The following NKAIN2 variants were observed in gnomAD, a reference collection of about 807,000 sequenced individuals.
NKAIN2 encodes sodium/potassium transporting ATPase interacting 2.
Under a neutral mutation model 32.6 loss-of-function variants are expected in NKAIN2, and 14 were observed. The observed-to-expected ratio is 0.43, with a 90% CI of 0.28 to 0.67. The LOEUF (loss-of-function observed/expected upper bound fraction) is 0.67, where lower values mean the gene tolerates loss of function less well. Among genes scored for constraint, NKAIN2 ranks in the 30% least tolerant of loss-of-function variants. The pLI is 0.17. For synonymous variants in NKAIN2, 80 were observed against 87.2 expected, an observed-to-expected ratio of 0.92 and a Z score of 0.46; for missense variants, 198 against 258.3, an observed-to-expected ratio of 0.77 and a Z score of 1.60.
intron 4 of NKAIN2, among the ~76,000 whole-genome samples, chr6:124,680,846 AC>A (rs1356599745): frequency 4.1e-4 from 63 of 152,126 alleles, no homozygotes; most frequent in Middle Eastern, 3.4e-3. Flanking sequence ...GAGATACCTA[AC>A]TTTAATTAGA....
At chr6:123,990,125 C>T (rs552383961) in intron 1 of NKAIN2, among the ~76,000 whole-genome samples, 39 of 152,240 alleles carry the variant, frequency 2.6e-4, no homozygotes, top group East Asian at 5.8e-4. Context: ...ATAAAACCAT[C>T]GGATCTTGTG....
intron 2 of NKAIN2, among the ~76,000 whole-genome samples, chr6:124,296,879 C>T (rs954662651): frequency 5.3e-5 from 8 of 152,232 alleles, no homozygotes; most frequent in South Asian, 2.1e-4. Context: ...ACATCACACA[C>T]GGACACACAT....
At position 123,832,975 on chromosome 6, in the gene NKAIN2, G is replaced by A. The variant is rs146287649; in HGVS notation, c.54+28721G>A. 2.4e-3 allele frequency among the ~76,000 whole-genome samples: 360 copies of A among 152,122 alleles called. 2 individuals carry two copies. Among genetic ancestry groups the A allele is most frequent in the Non-Finnish European group, 3.3e-3 (223 of 68,008 alleles). ...TTAATTTAGTGAAGTCTACCTTATC[G>A]ATTTATTTTTTATGGATCATCTCTT... On this transcript the variant is annotated intron_variant, in intron 1 of 6. Coordinates refer to ENST00000368417, the MANE Select transcript of NKAIN2 (RefSeq NM_001040214.3).
chr6:124,450,957 T>A (rs1776081504), intron 3 of NKAIN2, among the ~76,000 whole-genome samples: 1 of 152,074 alleles, frequency 6.6e-6, no homozygotes, highest in South Asian at 2.1e-4. Context: ...AAGTCAGTAA[T>A]AATGCATAAG....
rs201478491 is a variant in NKAIN2 at position 123,880,064 on chromosome 6, TG to T, written c.54+75813del. On this transcript the variant is annotated intron_variant, in intron 1 of 6. Coordinates refer to ENST00000368417, the MANE Select transcript of NKAIN2 (RefSeq NM_001040214.3). Reference sequence around the variant, plus strand: ...TTCAAAGGTTTTTACTTACAGATCCTGGGCGAGAAGGGCACAATGATTTGGG... The same window carrying T: ...TTCAAAGGTTTTTACTTACAGATCCTGGCGAGAAGGGCACAATGATTTGGG... 4.9e-4 allele frequency among the ~76,000 whole-genome samples: 75 copies of T among 152,276 alleles called. 1 individual carries two copies. In the East Asian group the frequency reaches 0.015, roughly 29 times the overall value.
At chr6:124,422,647 A>C (rs1583228218) in intron 3 of NKAIN2, among the ~76,000 whole-genome samples, 1 of 152,258 alleles carries the variant, frequency 6.6e-6, no homozygotes, top group African/African-American at 2.4e-5. Context: ...GAAAAGAAAA[A>C]CAAAACAACA....
Position 124,355,312 on chromosome 6 carries a change from A to C in NKAIN2, c.238A>C (p.Ile80Leu). The C allele has an allele frequency of 6.2e-7, 1 of 1,610,964 alleles. No individual in the cohort carries two copies. The highest frequency in any genetic ancestry group is 8.5e-7 in the Non-Finnish European group (1 of 1,177,260). ...CTGGGTTACGTGGAATGTGTTTGTT[A>C]TCTGCTTCTATTTGGAGGCTGGGGA... ...VLWVTWNVFVICFYLEAGDLS... is the reference protein window; with the variant it reads ...VLWVTWNVFVLCFYLEAGDLS... Residue 80 changes from isoleucine (I) to leucine (L), a missense_variant, in exon 3 of 7, where the codon ATC becomes CTC. By Grantham distance (5) the Ile-to-Leu change is conservative. Coordinates refer to ENST00000368417, the MANE Select transcript of NKAIN2 (RefSeq NM_001040214.3).
At position 124,171,634 on chromosome 6, in the gene NKAIN2, G is replaced by A. The variant is rs76753784; in HGVS notation, c.55-111371G>A. Among the ~76,000 whole-genome samples, 199 of 132,504 alleles carry A rather than the reference G, an allele frequency of 1.5e-3. 2 individuals carry two copies. The highest frequency in any genetic ancestry group is 0.014 in the East Asian group (56 of 4,132). 86.9% of individuals were successfully genotyped at this position (132,504 alleles called of 152,430 possible). A position where few individuals can be genotyped will look rare whatever the true frequency, so the allele number is the denominator to read the frequency against. On this transcript the variant is annotated intron_variant, in intron 1 of 6. Transcript: ENST00000368417. ...TGGTACCATCTCGGCTCACTGCAAC[G>A]TCTGCCTCCCGGTTCAAGCAATTCT...
At chr6:124,711,886 A>C (rs549592187) in intron 4 of NKAIN2, among the ~76,000 whole-genome samples, 3 of 152,088 alleles carry the variant, frequency 2.0e-5, no homozygotes, top group Non-Finnish European at 4.4e-5. Flanking sequence ...TTGGAGGAGG[A>C]GAGGCACTCT....
chr6:124,226,314 C>T (rs749487710), intron 1 of NKAIN2, among the ~76,000 whole-genome samples: 67 of 151,986 alleles, frequency 4.4e-4, no homozygotes, highest in Non-Finnish European at 9.0e-4. Flanking sequence ...CCTTTCTCAT[C>T]AGCATCTGCC....
At position 124,163,738 on chromosome 6, in the gene NKAIN2, G is replaced by T. The variant is rs573092441; in HGVS notation, c.55-119267G>T. The stretch of plus-strand genomic sequence containing the variant: ...GAAAGAAATCCAAAGAACAGAAACA[G>T]AGATAATTAAAGGAATGAAAAGTGG... On this transcript the variant is annotated intron_variant, in intron 1 of 6. Coordinates refer to ENST00000368417, the MANE Select transcript of NKAIN2 (RefSeq NM_001040214.3). Among the ~76,000 whole-genome samples, 4 of 152,082 alleles carry T rather than the reference G, an allele frequency of 2.6e-5. No individual in the cohort carries two copies. In the South Asian group the frequency reaches 6.2e-4, roughly 24 times the overall value.
At chr6:123,922,408 T>C (rs1478813463) in intron 1 of NKAIN2, among the ~76,000 whole-genome samples, 1 of 152,204 alleles carries the variant, frequency 6.6e-6, no homozygotes, top group Non-Finnish European at 1.5e-5. Flanking sequence ...TTCTGTTGGG[T>C]TGTAATAACT....
At chr6:123,811,286 G>A (rs1410187135) in intron 1 of NKAIN2, among the ~76,000 whole-genome samples, 1 of 152,032 alleles carries the variant, frequency 6.6e-6, no homozygotes, top group Non-Finnish European at 1.5e-5. Flanking sequence ...TCTTTGTAAT[G>A]TATTGAAATA....
intron 1 of NKAIN2, among the ~76,000 whole-genome samples, chr6:124,147,535 G>A (rs963867225): frequency 2.0e-4 from 30 of 152,026 alleles, no homozygotes; most frequent in African/African-American, 7.0e-4. Flanking sequence ...TTTCCAATAC[G>A]ATTCTCAGAG....
intron 1 of NKAIN2, among the ~76,000 whole-genome samples, chr6:123,863,237 A>C (rs1211142190): frequency 6.6e-6 from 1 of 152,212 alleles, no homozygotes; most frequent in African/African-American, 2.4e-5. Flanking sequence ...TTTTAGTTTT[A>C]TAACTGGATT....
At chr6:124,111,929 ATACAAAAACTTAC>A (rs1258680876) in intron 1 of NKAIN2, among the ~76,000 whole-genome samples, 1 of 152,082 alleles carries the variant, frequency 6.6e-6, no homozygotes, top group Non-Finnish European at 1.5e-5. Flanking sequence ...GTTGAATTGC[ATACAAAAACTTAC>A]AATTTAACTT....
At chr6:124,332,246 CAG>C (rs756473810) in intron 2 of NKAIN2, among the ~76,000 whole-genome samples, 4,222 of 150,264 alleles carry the variant, frequency 0.028, 75 homozygotes, top group Middle Eastern at 0.032. Context: ...CACACACACA[CAG>C]AGAGAGAGAG....
chr6:124,768,639 C>T (rs537823174), intron 4 of NKAIN2, among the ~76,000 whole-genome samples: 1 of 152,192 alleles, frequency 6.6e-6, no homozygotes, highest in East Asian at 1.9e-4. Flanking sequence ...TCACCAAAAA[C>T]ATACTCTCAA....
chr6:124,695,045 C>T (rs1309084187), intron 4 of NKAIN2, among the ~76,000 whole-genome samples: 1 of 151,848 alleles, frequency 6.6e-6, no homozygotes, highest in African/African-American at 2.4e-5. Context: ...CTTCCTCTTC[C>T]TCCTTGTTTT....
Sources: allele counts gnomAD v4.1 joint callset (sites outside exome capture counted in the v4.1 genomes callset), GRCh38; gene constraint gnomAD v4.1.1; transcripts MANE v1.5; gene names NCBI Gene and HGNC (gene_info 2026-07-23, HGNC 2026-07-21).